SNRPC: variants seen among roughly 807,000 people sequenced by gnomAD.
SNRPC encodes the protein small nuclear ribonucleoprotein polypeptide C, also known as U1 small nuclear ribonucleoprotein C.
Under a neutral mutation model 20.0 loss-of-function variants are expected in SNRPC, and 5 were observed. The observed-to-expected ratio is 0.25, with a 90% CI of 0.13 to 0.53. SNRPC has a LOEUF of 0.53. SNRPC is among the 20% of genes least tolerant of loss of function. The pLI is 0.96. For synonymous variants in SNRPC, 61 were observed against 58.7 expected, an observed-to-expected ratio of 1.04 and a Z score of -0.18; for missense variants, 112 against 224.1, an observed-to-expected ratio of 0.50 and a Z score of 3.19.
intron 5 of SNRPC, 96 bp downstream of exon 5, chr6:34,770,491 A>G (rs1764672917): frequency 1.3e-6 from 1 of 755,104 alleles, no homozygotes; most frequent in Admixed American, 2.5e-5. Context: ...TGTGTAGCCA[A>G]AGCTTGAAAA....
At position 34,773,353 on chromosome 6, in the gene SNRPC, C is replaced by T. The variant is rs941044817; in HGVS notation, c.356-93C>T. 2.0e-5 allele frequency: 23 copies of T among 1,152,594 alleles called. No individual in the cohort carries two copies. In the East Asian group the frequency reaches 2.0e-4, roughly 10 times the overall value. 71.4% of individuals were successfully genotyped at this position (1,152,594 alleles called of 1,614,324 possible). A position where few individuals can be genotyped will look rare whatever the true frequency, so the allele number is the denominator to read the frequency against. Reference sequence around the variant, plus strand: ...TTCCAGCATTTTGCAAGGGGGGCTACGTTTTTTGTTTTTAATTGAAGTCCC... The same window carrying T: ...TTCCAGCATTTTGCAAGGGGGGCTATGTTTTTTGTTTTTAATTGAAGTCCC... On this transcript the variant is annotated intron_variant, in intron 5 of 5. Transcript: ENST00000244520. This position sits in a 1 kb window ranked among gnomAD's most constrained non-coding sequence, Gnocchi z 4.1.
intron 2 of SNRPC, 64 bp from the exon 3 acceptor site, chr6:34,762,531 C>T (rs1167078178): frequency 1.2e-6 from 1 of 860,354 alleles, no homozygotes; most frequent in Non-Finnish European, 1.9e-6. Context: ...AAAGGTAAAA[C>T]TTTATTAAAT....
At chr6:34,772,452 C>G (rs1489363268) in intron 5 of SNRPC, among the ~76,000 whole-genome samples, 1 of 152,098 alleles carries the variant, frequency 6.6e-6, no homozygotes, top group Non-Finnish European at 1.5e-5. Flanking sequence ...TAGTAGTATT[C>G]TCTGTTCCTG....
intron 2 of SNRPC, among the ~76,000 whole-genome samples, chr6:34,761,816 A>AT (rs1014279321): frequency 5.9e-5 from 9 of 151,268 alleles, no homozygotes; most frequent in African/African-American, 2.2e-4. Context: ...GCCAGGAACA[A>AT]TTTTTTTTAT....
chr6:34,765,045 T>C (rs1310951237), intron 3 of SNRPC, among the ~76,000 whole-genome samples: 2 of 152,154 alleles, frequency 1.3e-5, no homozygotes, highest in Non-Finnish European at 2.9e-5. Context: ...ACAAGCTTAA[T>C]GAACCTCCCA....
chr6:34,759,481 G>A (rs1431509147), intron 2 of SNRPC, among the ~76,000 whole-genome samples: 1 of 152,222 alleles, frequency 6.6e-6, no homozygotes, highest in Non-Finnish European at 1.5e-5. Context: ...AACACAAGTG[G>A]CTTTGTCTAT....
At chr6:34,759,135 TA>T (rs1406323977) in intron 2 of SNRPC, among the ~76,000 whole-genome samples, 1 of 151,710 alleles carries the variant, frequency 6.6e-6, no homozygotes, top group Non-Finnish European at 1.5e-5. Flanking sequence ...TGGCAAATAA[TA>T]TTTTCCAAAA....
At chr6:34,761,779 G>A (rs1764540750) in intron 2 of SNRPC, among the ~76,000 whole-genome samples, 1 of 151,912 alleles carries the variant, frequency 6.6e-6, no homozygotes, top group African/African-American at 2.4e-5. Flanking sequence ...AAAGTGCTGG[G>A]ATTACAGGCT....
intron 3 of SNRPC, among the ~76,000 whole-genome samples, chr6:34,766,496 G>C (rs1764615916): frequency 6.6e-6 from 1 of 152,196 alleles, no homozygotes; most frequent in African/African-American, 2.4e-5. Flanking sequence ...ACTGCACTCG[G>C]CTTGAATACA....
At chr6:34,767,031 A>T (rs969270658) in intron 3 of SNRPC, among the ~76,000 whole-genome samples, 4 of 152,168 alleles carry the variant, frequency 2.6e-5, no homozygotes, top group South Asian at 4.2e-4. Context: ...TGAAAAAAAA[A>T]TTTTTAAATT....
chr6:34,767,381 T>C (rs1014039372), intron 3 of SNRPC, among the ~76,000 whole-genome samples: 1 of 152,326 alleles, frequency 6.6e-6, no homozygotes, highest in East Asian at 1.9e-4. Flanking sequence ...AGCACTCTGG[T>C]AAGCTGAGGT....
In SNRPC at chr6:34,767,942, T is replaced by A. The variant is rs377434500; in HGVS notation, c.195T>A (p.Thr65=). 70 of 1,604,538 alleles carry A rather than the reference T, an allele frequency of 4.4e-5. No homozygotes were observed. The highest frequency in any genetic ancestry group is 5.8e-5 in the Non-Finnish European group (68 of 1,175,498). Residue 65 remains threonine, a synonymous_variant, in exon 4 of 6, where the codon ACT becomes ACA. Transcript: ENST00000244520. The stretch of plus-strand genomic sequence containing the variant: ...TTCAACAAGGAAAGATACCTCCTAC[T>A]CCATTCTCTGCTCCTCCTCCTGCAG... ...AAFQQGKIPP[T]PFSAPPPAGA... is the part of the protein sequence containing the mutation.
Position 34,771,065 on chromosome 6 carries a change from A to T in SNRPC, c.355+670A>T, listed in dbSNP as rs529223486. On this transcript the variant is annotated intron_variant, in intron 5 of 5. Coordinates refer to ENST00000244520, the MANE Select transcript of SNRPC (RefSeq NM_003093.3). ...GTGTCTAGGCCAGGCGCGGTGGCTCATGCCTGTAATCCCAGCACTTTGGGA... is the reference window on the plus strand; with the variant it reads ...GTGTCTAGGCCAGGCGCGGTGGCTCTTGCCTGTAATCCCAGCACTTTGGGA... Among the ~76,000 whole-genome samples, 12 of 152,352 alleles carry T rather than the reference A, an allele frequency of 7.9e-5. No homozygotes were observed. The South Asian group carries it at 2.5e-3, about 32-fold the overall frequency.
At chr6:34,758,544 A>G (rs1046558566) in intron 2 of SNRPC, among the ~76,000 whole-genome samples, 31 of 152,002 alleles carry the variant, frequency 2.0e-4, no homozygotes, top group Middle Eastern at 6.8e-3. Flanking sequence ...CGAACTCCCG[A>G]CCTCAGGCGA....
rs771133472 is a variant in SNRPC, at chr6:34,773,624, C to T, written c.*54C>T. On this transcript the variant is annotated 3_prime_UTR_variant, in exon 6 of 6. Coordinates refer to ENST00000244520, the MANE Select transcript of SNRPC (RefSeq NM_003093.3). The surrounding 1 kb of genome is among the most constrained non-coding windows in gnomAD (Gnocchi z 4.1). ...TTTTATATTACCTGTTCTGCTTCAC[C>T]AGGAGATCATGCTGCTGTGATACTG... is the stretch of plus-strand genomic sequence containing the variant. The T allele has an allele frequency of 1.3e-6, 2 of 1,535,968 alleles. No homozygotes were observed. Among genetic ancestry groups the T allele is most frequent in the Non-Finnish European group, 1.8e-6 (2 of 1,115,986 alleles).
In SNRPC at chr6:34,773,545, C is replaced by T. The variant is rs1262710567; in HGVS notation, c.455C>T (p.Pro152Leu). ...CGTCCCATGATGGTGCCCACTCGGCCCGGAATGACTCGACCAGACAGATAA... is the reference window on the plus strand; with the variant it reads ...CGTCCCATGATGGTGCCCACTCGGCTCGGAATGACTCGACCAGACAGATAA... ...PARPMMVPTRPGMTRPDR is the reference protein window; with the variant it reads ...PARPMMVPTRLGMTRPDR The change falls in exon 6 of 6, where the codon CCC becomes CTC. Residue 152 changes from proline (P) to leucine (L), a missense_variant. Physicochemically the swap from Pro to Leu is moderately conservative, Grantham distance 98. Coordinates refer to ENST00000244520, the MANE Select transcript of SNRPC (RefSeq NM_003093.3). This position sits in a 1 kb window ranked among gnomAD's most constrained non-coding sequence, Gnocchi z 4.1. The T allele has an allele frequency of 6.2e-7, 1 of 1,613,684 alleles. No homozygotes were observed. The highest frequency in any genetic ancestry group is 1.3e-5 in the African/African-American group (1 of 74,880).
intron 2 of SNRPC, among the ~76,000 whole-genome samples, chr6:34,760,911 A>G (rs1458685316): frequency 2.0e-5 from 3 of 151,776 alleles, no homozygotes; most frequent in Non-Finnish European, 4.4e-5. Context: ...AGCTGGGTGT[A>G]GTGGCACGCG....
At chr6:34,765,038 A>G (rs932558220) in intron 3 of SNRPC, among the ~76,000 whole-genome samples, 2 of 152,242 alleles carry the variant, frequency 1.3e-5, no homozygotes, top group African/African-American at 4.8e-5. Context: ...AAACTAGACA[A>G]GCTTAATGAA....
chr6:34,772,900 C>T (rs575872823), intron 5 of SNRPC: 1 of 152,334 alleles, frequency 6.6e-6, no homozygotes, highest in South Asian at 2.1e-4. Context: ...TTATAAATCA[C>T]GTTATTGCCT....
Sources: gnomAD v4.1 joint callset for allele counts (sites outside exome capture counted in the v4.1 genomes callset) on GRCh38, gnomAD v4.1.1 for gene constraint, Gnocchi (gnomAD v3.1) non-coding constraint, MANE v1.5 for transcripts, NCBI Gene and HGNC (gene_info 2026-07-23, HGNC 2026-07-21) for gene names.